The following CELF6 variants were observed in gnomAD, a reference collection of about 807,000 sequenced individuals.
CELF6 encodes the protein CUGBP Elav-like family member 6.
A neutral mutation model predicts 53.1 loss-of-function variants in CELF6; 32 were observed. That is an observed-to-expected ratio of 0.60 (90% CI 0.46 to 0.81). The LOEUF (loss-of-function observed/expected upper bound fraction) is 0.81. Ranked by LOEUF, CELF6 falls within the 30% of genes least tolerant of loss-of-function variation. The pLI is 0.00. For synonymous variants in CELF6, 291 were observed against 288.8 expected (o/e 1.01, Z -0.08); for missense variants, 539 against 669.5 (o/e 0.81, Z 2.15).
rs535583601 is a variant in CELF6 at position 72,285,113 on chromosome 15, C to T, written c.*1258G>A. ...CAAAGACAGACAGACAGAGCACACA[C>T]CACTTCTAAGCTCAACACTGCTCAC... On this transcript the variant is annotated 3_prime_UTR_variant, in exon 13 of 13. Transcript: ENST00000287202. 14 of 152,874 alleles carry T rather than the reference C, an allele frequency of 9.2e-5. No individual in the cohort carries two copies. The highest frequency in any genetic ancestry group is 3.4e-4 in the African/African-American group (14 of 41,584). The allele number at this position is 152,874 out of a possible 1,614,324, so 9.5% of individuals were successfully genotyped here.
rs2088013170 is a variant in CELF6, at chr15:72,292,054, A to G, written c.395-1799T>C. 5 of 610,170 alleles carry G rather than the reference A, an allele frequency of 8.2e-6. No homozygotes were observed. The South Asian group carries it at 1.1e-4, about 13-fold the overall frequency. 37.8% of individuals were successfully genotyped at this position (610,170 alleles called of 1,614,324 possible). A position where few individuals can be genotyped will look rare whatever the true frequency, so the allele number is the denominator to read the frequency against. ...AGTGGAATACATTGTTCTAACATAAATATTAGGATGAAGCTCAAAATGTAA... is the reference window on the plus strand; with the variant it reads ...AGTGGAATACATTGTTCTAACATAAGTATTAGGATGAAGCTCAAAATGTAA... On this transcript the variant is annotated intron_variant, in intron 3 of 12. Transcript: ENST00000287202.
At position 72,289,802 on chromosome 15, in the gene CELF6, G is replaced by A. The variant is rs913162363; in HGVS notation, c.604-32C>T. 4 of 1,462,884 alleles carry A rather than the reference G, an allele frequency of 2.7e-6. No individual in the cohort carries two copies. Among genetic ancestry groups the A allele is most frequent in the East Asian group, 2.5e-5 (1 of 40,288 alleles). 90.6% of individuals were successfully genotyped at this position (1,462,884 alleles called of 1,614,324 possible). On this transcript the variant is annotated intron_variant, in intron 5 of 12. Transcript: ENST00000287202. The surrounding 1 kb of genome is among the most constrained non-coding windows in gnomAD (Gnocchi z 7.6). ...AGGGCAGGGGAGGCCGTGGTGACCG[G>A]TCCTGACCCTGGCCCCGGCCCGGGG...
At chr15:72,306,117 T>G in intron 2 of CELF6, 4 of 984,772 alleles carry the variant, frequency 4.1e-6, no homozygotes, top group Non-Finnish European at 4.8e-6. Flanking sequence ...CCTGAGTGAA[T>G]TCATGATTGA....
chr15:72,307,002 C>T (rs2959929), intron 2 of CELF6, among the ~76,000 whole-genome samples: 4,824 of 150,362 alleles, frequency 0.032, 157 homozygotes, highest in African/African-American at 0.076. Flanking sequence ...GGTAAGGAAG[C>T]GGGTGCAGGA....
rs1429267002 is a variant in CELF6, at chr15:72,320,073, G to A, written c.-199C>T. The A allele has an allele frequency of 3.4e-6, 2 of 590,336 alleles. No individual in the cohort carries two copies. Among genetic ancestry groups the A allele is most frequent in the Admixed American group, 2.2e-5 (1 of 46,358 alleles). The allele number at this position is 590,336 out of a possible 1,614,324, so 36.6% of individuals were successfully genotyped here. A position where few individuals can be genotyped will look rare whatever the true frequency, so the allele number is the denominator to read the frequency against. ...AGGAAAGGGGCGGGGCCGGGGCGGG[G>A]CGGGCCCGGGCCGAGGTGGCGGCTG... On this transcript the variant is annotated 5_prime_UTR_variant, in exon 1 of 13. Transcript: ENST00000287202.
intron 3 of CELF6, among the ~76,000 whole-genome samples, chr15:72,296,114 G>A (rs1410925456): frequency 6.6e-6 from 1 of 152,164 alleles, no homozygotes; most frequent in East Asian, 1.9e-4. Context: ...AGGGAGGCAA[G>A]GTCATTCAAT....
Position 72,319,559 on chromosome 15 carries a change from G to C in CELF6, c.262+54C>G, listed in dbSNP as rs1302499021. On this transcript the variant is annotated intron_variant, in intron 1 of 12. Transcript: ENST00000287202. This position sits in a 1 kb window ranked among gnomAD's most constrained non-coding sequence, Gnocchi z 5.0. ...CTAGGGCTGGGGCTGGGCTGGGGTC[G>C]GGCCACACTCTAATCGGATTGGGGC... The C allele has an allele frequency of 2.0e-6, 3 of 1,484,444 alleles. No individual in the cohort carries two copies. Among genetic ancestry groups the C allele is most frequent in the Non-Finnish European group, 1.8e-6 (2 of 1,109,734 alleles). 92.0% of individuals were successfully genotyped at this position (1,484,444 alleles called of 1,614,324 possible).
In CELF6 at chr15:72,289,723, C is replaced by G. The variant is rs1436535711; in HGVS notation, c.651G>C (p.Glu217Asp). ...LVVKLADTDR[E>D]RALRRMQQMA... ...TCTGCTGCATCCGCCGCAGCGCGCG[C>G]TCCCGGTCGGTGTCCGCCAGCTTGA... is the stretch of plus-strand genomic sequence containing the variant. Residue 217 changes from glutamate (E) to aspartate (D), a missense_variant, in exon 6 of 13, where the codon GAG becomes GAC. Glu to Asp is a conservative substitution (Grantham distance 45). This residue lies in a region of CELF6 where 358 missense variants were observed against 412.8 expected (regional missense o/e 0.87). Transcript: ENST00000287202. The surrounding 1 kb of genome is among the most constrained non-coding windows in gnomAD (Gnocchi z 7.6). 12 of 1,479,096 alleles carry G rather than the reference C, an allele frequency of 8.1e-6. No individual in the cohort carries two copies. The highest frequency in any genetic ancestry group is 1.1e-5 in the Non-Finnish European group (12 of 1,123,670). 91.6% of individuals were successfully genotyped at this position (1,479,096 alleles called of 1,614,324 possible). A position where few individuals can be genotyped will look rare whatever the true frequency, so the allele number is the denominator to read the frequency against.
intron 11 of CELF6, among the ~76,000 whole-genome samples, chr15:72,287,629 G>T (rs1279583683): frequency 6.6e-6 from 1 of 152,178 alleles, no homozygotes; most frequent in African/African-American, 2.4e-5. Context: ...TGTTGATTTG[G>T]ATGTTTCCGT....
In CELF6 at chr15:72,288,608, C is replaced by T. The variant is rs775535163; in HGVS notation, c.1104G>A (p.Pro368=). ...CTGTGCTCACTGGGGCATAGGCCGA[C>T]GGATAGGCTGCTGGAGACAGAGGTG... The part of the protein sequence containing the change: ...AGMHHYAAAY[P]SAYAPVSTAF... Residue 368 remains proline, a synonymous_variant, in exon 10 of 13, where the codon CCG becomes CCA. Transcript: ENST00000287202. This position sits in a 1 kb window ranked among gnomAD's most constrained non-coding sequence, Gnocchi z 4.6. 108 of 1,561,716 alleles carry T rather than the reference C, an allele frequency of 6.9e-5. 4 individuals carry two copies. In the South Asian group the frequency reaches 1.2e-3, roughly 17 times the overall value.
At chr15:72,316,871 A>G (rs1346875600) in intron 1 of CELF6, among the ~76,000 whole-genome samples, 8 of 152,164 alleles carry the variant, frequency 5.3e-5, no homozygotes, top group Non-Finnish European at 1.2e-4. Context: ...CCCTGCCCTC[A>G]TGGGGATTAG....
chr15:72,292,075 T>C (rs2088013305), intron 3 of CELF6: 1 of 642,300 alleles, frequency 1.6e-6, no homozygotes, highest in Non-Finnish European at 2.6e-6. Flanking sequence ...AAGCTCAAAA[T>C]GTAAGAGAAA....
intron 2 of CELF6, among the ~76,000 whole-genome samples, chr15:72,307,362 A>G (rs2088244997): frequency 6.6e-6 from 1 of 151,928 alleles, no homozygotes; most frequent in Non-Finnish European, 1.5e-5. Flanking sequence ...CATTTCCTGA[A>G]CTCTGTGATG....
rs577826237 is a variant in CELF6 at position 72,289,033 on chromosome 15, A to T, written c.1031-103T>A. On this transcript the variant is annotated intron_variant, in intron 8 of 12. Transcript: ENST00000287202. This position sits in a 1 kb window ranked among gnomAD's most constrained non-coding sequence, Gnocchi z 7.6. ...GAGGTGGACGGCGGCTGTGAGAGAC[A>T]GCAGGGAAGGAGGGGGATCTCTTCC... The T allele has an allele frequency of 7.8e-7, 1 of 1,282,284 alleles. No individual in the cohort carries two copies. Among genetic ancestry groups the T allele is most frequent in the African/African-American group, 1.5e-5 (1 of 67,548 alleles). 79.4% of individuals were successfully genotyped at this position (1,282,284 alleles called of 1,614,324 possible).
At chr15:72,310,789 C>T (rs900530242) in intron 2 of CELF6, among the ~76,000 whole-genome samples, 3 of 152,022 alleles carry the variant, frequency 2.0e-5, no homozygotes, top group Non-Finnish European at 4.4e-5. Context: ...TATGTCTGGC[C>T]CAGAGTAATC....
At position 72,289,777 on chromosome 15, in the gene CELF6, AG is replaced by A; in HGVS notation, c.604-8del. ...CGAGGCTGGACGAGGCGCCCTGGGC[AG>A]GGCAGGGGAGGCCGTGGTGACCGGT... On this transcript the variant is annotated splice_region_variant and splice_polypyrimidine_tract_variant and intron_variant, in intron 5 of 12. Coordinates refer to ENST00000287202, the MANE Select transcript of CELF6 (RefSeq NM_052840.5). The surrounding 1 kb of genome is among the most constrained non-coding windows in gnomAD (Gnocchi z 7.6). The A allele has an allele frequency of 7.6e-6, 11 of 1,448,202 alleles. No homozygotes were observed. Among genetic ancestry groups the A allele is most frequent in the Non-Finnish European group, 9.9e-6 (11 of 1,106,240 alleles). 89.7% of individuals were successfully genotyped at this position (1,448,202 alleles called of 1,614,324 possible).
chr15:72,312,011 G>A (rs368395902), intron 2 of CELF6, among the ~76,000 whole-genome samples: 1 of 152,176 alleles, frequency 6.6e-6, no homozygotes, highest in Non-Finnish European at 1.5e-5. Context: ...TCTTCACAGC[G>A]TTTGAAGGGA....
chr15:72,288,768 G>C lies in CELF6; in HGVS notation c.1093+100C>G, dbSNP rs180726853. 1 of 1,360,378 alleles carries C rather than the reference G, an allele frequency of 7.4e-7. No individual in the cohort carries two copies. The highest frequency in any genetic ancestry group is 1.4e-5 in the African/African-American group (1 of 69,430). 84.3% of individuals were successfully genotyped at this position (1,360,378 alleles called of 1,614,324 possible). On this transcript the variant is annotated intron_variant, in intron 9 of 12. Coordinates refer to ENST00000287202, the MANE Select transcript of CELF6 (RefSeq NM_052840.5). The surrounding 1 kb of genome is among the most constrained non-coding windows in gnomAD (Gnocchi z 4.6). ...GTTCTGGGGGTAGGAGGGGATGGGA[G>C]GATCAACTCCTTGGAACAGAGCCTA...
intron 3 of CELF6, among the ~76,000 whole-genome samples, chr15:72,298,971 G>A (rs747277042): frequency 8.5e-5 from 13 of 152,226 alleles, no homozygotes; most frequent in Non-Finnish European, 1.9e-4. Context: ...ACTTTGGGAG[G>A]CTGAGGCCGG....
Sources: gnomAD v4.1 joint callset for allele counts (sites outside exome capture counted in the v4.1 genomes callset) on GRCh38, gnomAD v4.1.1 for gene constraint, gnomAD v4.1.1 regional missense constraint, Gnocchi (gnomAD v3.1) non-coding constraint, MANE v1.5 for transcripts, NCBI Gene and HGNC (gene_info 2026-07-23, HGNC 2026-07-21) for gene names.